NLGN1: variants seen among roughly 807,000 people sequenced by gnomAD.
The protein encoded by NLGN1 is neuroligin-1.
Under a neutral mutation model 65.5 loss-of-function variants are expected in NLGN1, and 12 were observed. The observed-to-expected ratio is 0.18, with a 90% confidence interval of 0.12 to 0.30. The LOEUF is 0.30. Among genes scored for constraint, NLGN1 ranks in the 10% least tolerant of loss-of-function variants. NLGN1 has a pLI of 1.00. For synonymous variants in NLGN1, 350 were observed against 359.5 expected (o/e 0.97, Z 0.30); for missense variants, 750 against 1,007.1 (o/e 0.74, Z 3.46).
intron 2 of NLGN1, among the ~76,000 whole-genome samples, chr3:173,465,671 CAAT>C (rs1337096886): frequency 2.0e-5 from 3 of 151,998 alleles, no homozygotes; most frequent in African/African-American, 7.2e-5. Flanking sequence ...AAATCACAAA[CAAT>C]AAGCTGAAAA....
At chr3:173,421,032 T>C (rs1714941028) in intron 1 of NLGN1, among the ~76,000 whole-genome samples, 1 of 152,210 alleles carries the variant, frequency 6.6e-6, no homozygotes, top group African/African-American at 2.4e-5. Flanking sequence ...CTATTCTGTC[T>C]ACTGTGTTTC....
At chr3:173,989,974 T>C (rs1007975623) in intron 4 of NLGN1, among the ~76,000 whole-genome samples, 2 of 152,200 alleles carry the variant, frequency 1.3e-5, no homozygotes, top group Admixed American at 6.5e-5. Flanking sequence ...TACAGACAGA[T>C]AGAAGAATAA....
intron 3 of NLGN1, among the ~76,000 whole-genome samples, chr3:173,775,631 G>A (rs1040572089): frequency 3.9e-5 from 6 of 152,044 alleles, no homozygotes; most frequent in Non-Finnish European, 8.8e-5. Flanking sequence ...TCCATTTTGC[G>A]ATTATCATTT....
chr3:174,074,434 A>G (rs1226169505), intron 4 of NLGN1, among the ~76,000 whole-genome samples: 2 of 152,206 alleles, frequency 1.3e-5, no homozygotes, highest in Admixed American at 1.3e-4. Flanking sequence ...ATTTAATTCC[A>G]AACTGTTCTT....
At position 174,107,017 on chromosome 3, in the gene NLGN1, C is replaced by CACAGAGAGAGAG. The variant is rs773314392; in HGVS notation, c.647-168297_647-168296insCAGAGAGAGAGA. ...ACACACACACACACACACACACACA[C>CACAGAGAGAGAG]AGAGAGAGAGAGAGAGAGAGAGAGA... On this transcript the variant is annotated intron_variant, in intron 4 of 6. Coordinates refer to ENST00000457714, the Ensembl canonical transcript of NLGN1. 4.4e-4 allele frequency among the ~76,000 whole-genome samples: 43 copies of CACAGAGAGAGAG among 97,688 alleles called. 1 individual carries two copies. Among genetic ancestry groups the CACAGAGAGAGAG allele is most frequent in the African/African-American group, 1.6e-3 (39 of 23,998 alleles). 64.1% of individuals were successfully genotyped at this position (97,688 alleles called of 152,430 possible).
intron 4 of NLGN1, among the ~76,000 whole-genome samples, chr3:173,922,146 G>A (rs1364669227): frequency 6.6e-6 from 1 of 151,940 alleles, no homozygotes; most frequent in Non-Finnish European, 1.5e-5. Context: ...ACATATTAAC[G>A]AATAATATAG....
intron 3 of NLGN1, among the ~76,000 whole-genome samples, chr3:173,760,149 T>C (rs1175834071): frequency 6.6e-6 from 1 of 152,038 alleles, no homozygotes; most frequent in Non-Finnish European, 1.5e-5. Context: ...TTGGAAATTC[T>C]GTCGTCTTGC....
chr3:174,178,297 A>C (rs1177120737), intron 4 of NLGN1, among the ~76,000 whole-genome samples: 2 of 152,086 alleles, frequency 1.3e-5, no homozygotes. Flanking sequence ...TAGTCAGCCT[A>C]GGTGTTATTC....
intron 3 of NLGN1, among the ~76,000 whole-genome samples, chr3:173,714,286 T>G (rs1033816209): frequency 2.0e-5 from 3 of 152,170 alleles, no homozygotes; most frequent in Non-Finnish European, 4.4e-5. Context: ...CTTCTTGATT[T>G]TCTCATCTAA....
intron 4 of NLGN1, among the ~76,000 whole-genome samples, chr3:174,077,955 GA>G (rs1053925779): frequency 5.3e-5 from 8 of 152,154 alleles, no homozygotes; most frequent in African/African-American, 1.9e-4. Context: ...ACTCTCTAAT[GA>G]GTTAAAATAC....
intron 4 of NLGN1, among the ~76,000 whole-genome samples, chr3:174,071,094 G>C (rs1010053828): frequency 1.3e-5 from 2 of 152,062 alleles, no homozygotes; most frequent in Admixed American, 6.6e-5. Context: ...GCAAGAGTAA[G>C]ATACAAAATT....
intron 3 of NLGN1, among the ~76,000 whole-genome samples, chr3:173,622,944 T>G (rs1219196758): frequency 6.6e-6 from 1 of 152,060 alleles, no homozygotes; most frequent in African/African-American, 2.4e-5. Flanking sequence ...CACATAGCCT[T>G]CCAGATCATT....
intron 3 of NLGN1, among the ~76,000 whole-genome samples, chr3:173,746,703 G>C (rs1241813323): frequency 6.6e-6 from 1 of 151,940 alleles, no homozygotes; most frequent in East Asian, 1.9e-4. Flanking sequence ...TTCAAGATCT[G>C]TCCTTGTCAC....
chr3:173,961,146 C>T (rs1713458325), intron 4 of NLGN1, among the ~76,000 whole-genome samples: 1 of 152,016 alleles, frequency 6.6e-6, no homozygotes, highest in East Asian at 1.9e-4. Context: ...ACTTTACTTT[C>T]CTCGGAAACA....
intron 3 of NLGN1, among the ~76,000 whole-genome samples, chr3:173,784,550 G>T (rs991134531): frequency 6.6e-6 from 1 of 152,094 alleles, no homozygotes; most frequent in African/African-American, 2.4e-5. Context: ...GGCAGAGAGC[G>T]AGAGGCAGAG....
At chr3:173,567,076 G>A (rs1411569528) in intron 2 of NLGN1, among the ~76,000 whole-genome samples, 3 of 151,998 alleles carry the variant, frequency 2.0e-5, no homozygotes, top group Non-Finnish European at 4.4e-5. Flanking sequence ...AAAGAATAGT[G>A]CCTATTCTTC....
chr3:174,061,610 G>A (rs1193018896), intron 4 of NLGN1, among the ~76,000 whole-genome samples: 2 of 152,122 alleles, frequency 1.3e-5, no homozygotes, highest in South Asian at 4.1e-4. Context: ...TAACTTTAAT[G>A]TCCTGGAGGT....
intron 1 of NLGN1, among the ~76,000 whole-genome samples, chr3:173,403,601 C>T (rs893783837): frequency 6.6e-6 from 1 of 152,148 alleles, no homozygotes; most frequent in African/African-American, 2.4e-5. Context: ...CATTATGACT[C>T]ATTTTTGTAA....
intron 3 of NLGN1, among the ~76,000 whole-genome samples, chr3:173,750,153 A>G (rs1205761427): frequency 6.6e-6 from 1 of 151,998 alleles, no homozygotes; most frequent in East Asian, 1.9e-4. Flanking sequence ...TACCAAAGCA[A>G]TCTTCCTCAG....
Sources: allele counts gnomAD v4.1 joint callset (sites outside exome capture counted in the v4.1 genomes callset), GRCh38; gene constraint gnomAD v4.1.1; transcripts MANE v1.5; gene names NCBI Gene and HGNC (gene_info 2026-07-23, HGNC 2026-07-21).